Variants in CLSTN2 observed in about 807,000 individuals in gnomAD.
CLSTN2 encodes the protein calsyntenin 2.
CLSTN2 carries 48 observed loss-of-function variants against 101.2 expected under a neutral mutation model. That is an observed-to-expected ratio of 0.47 (90% CI 0.38 to 0.60). CLSTN2 has a LOEUF of 0.60. Among genes scored for constraint, CLSTN2 ranks in the 20% least tolerant of loss-of-function variants. CLSTN2 has a pLI of 0.00. For synonymous variants in CLSTN2, 481 were observed against 463.6 expected (o/e 1.04, Z -0.48); for missense variants, 1,160 against 1,238.2 (o/e 0.94, Z 0.95).
At chr3:139,960,025 T>TAGAA (rs1935479824) in intron 1 of CLSTN2, among the ~76,000 whole-genome samples, 1 of 152,204 alleles carries the variant, frequency 6.6e-6, no homozygotes, top group Non-Finnish European at 1.5e-5. Flanking sequence ...TGGACTCTTC[T>TAGAA]CTCTACTTTA....
chr3:139,995,760 G>C (rs1001727015), intron 1 of CLSTN2, among the ~76,000 whole-genome samples: 8 of 152,180 alleles, frequency 5.3e-5, no homozygotes, highest in African/African-American at 1.9e-4. Context: ...GGGGAGTGCA[G>C]AGCCACATGG....
intron 1 of CLSTN2, among the ~76,000 whole-genome samples, chr3:140,030,442 T>C (rs938666235): frequency 2.7e-5 from 4 of 150,158 alleles, no homozygotes; most frequent in Non-Finnish European, 5.9e-5. Flanking sequence ...AGAAGGAGAG[T>C]GGGTAGGGGT....
chr3:140,532,202 A>T, intron 8 of CLSTN2, 122 bp from the exon 9 acceptor site: 1 of 653,172 alleles, frequency 1.5e-6, no homozygotes, highest in Non-Finnish European at 2.5e-6. Context: ...ATATTCCTTG[A>T]GTGCTTTGCA....
intron 8 of CLSTN2, among the ~76,000 whole-genome samples, chr3:140,482,471 G>A (rs1366910947): frequency 6.6e-6 from 1 of 152,148 alleles, no homozygotes; most frequent in Admixed American, 6.6e-5. Flanking sequence ...AATGAGTTAG[G>A]GAGGATTCCC....
chr3:140,261,082 A>C (rs1187287221), intron 2 of CLSTN2, among the ~76,000 whole-genome samples: 4 of 152,118 alleles, frequency 2.6e-5, no homozygotes, highest in African/African-American at 4.8e-5. Flanking sequence ...CTCGCTATAA[A>C]GTTACTCATT....
intron 6 of CLSTN2, among the ~76,000 whole-genome samples, chr3:140,456,445 T>G (rs946518233): frequency 1.3e-4 from 20 of 152,252 alleles, no homozygotes; most frequent in African/African-American, 4.8e-4. Flanking sequence ...TGGCACCCAT[T>G]CTGTGCCCAG....
intron 8 of CLSTN2, among the ~76,000 whole-genome samples, chr3:140,471,378 G>C (rs1170822062): frequency 6.6e-6 from 1 of 152,206 alleles, no homozygotes; most frequent in African/African-American, 2.4e-5. Flanking sequence ...CTTATGGGAA[G>C]ACACAGCTTG....
chr3:140,572,666 G>C lies in CLSTN2; in HGVS notation c.*6413G>C, dbSNP rs978610923. On this transcript the variant is annotated 3_prime_UTR_variant, in exon 17 of 17. Transcript: ENST00000458420. The stretch of plus-strand genomic sequence containing the variant: ...GAACATGTGAGAAGTGCATATTCTT[G>C]GGCCCCACCCCAGACCTACTGAATG... 6.6e-6 allele frequency: 1 copy of C among 152,196 alleles called. No homozygotes were observed. Among genetic ancestry groups the C allele is most frequent in the African/African-American group, 2.4e-5 (1 of 41,440 alleles). 9.4% of individuals were successfully genotyped at this position (152,196 alleles called of 1,614,324 possible).
intron 7 of CLSTN2, among the ~76,000 whole-genome samples, chr3:140,465,049 C>T (rs1292963042): frequency 6.6e-6 from 1 of 152,196 alleles, no homozygotes; most frequent in Non-Finnish European, 1.5e-5. Flanking sequence ...CCACACATTT[C>T]CTCATTGTAT....
At chr3:140,421,031 C>T (rs868714374) in intron 4 of CLSTN2, 94 bp from the exon 5 acceptor site, 1 of 1,267,740 alleles carries the variant, frequency 7.9e-7, no homozygotes, top group Non-Finnish European at 1.1e-6. Flanking sequence ...TCACTTTCTT[C>T]CTGTGAAGGT....
chr3:139,950,390 C>T (rs1935276154), intron 1 of CLSTN2, among the ~76,000 whole-genome samples: 1 of 152,198 alleles, frequency 6.6e-6, no homozygotes, highest in Non-Finnish European at 1.5e-5. Context: ...AATTCCCTTT[C>T]TTCTAGGGGT....
intron 1 of CLSTN2, among the ~76,000 whole-genome samples, chr3:140,069,823 A>T (rs995138285): frequency 6.6e-6 from 1 of 152,154 alleles, no homozygotes; most frequent in Non-Finnish European, 1.5e-5. Context: ...CACTGGCAGG[A>T]GATTAGGATG....
At chr3:140,502,991 A>G (rs1934612000) in intron 8 of CLSTN2, among the ~76,000 whole-genome samples, 1 of 152,230 alleles carries the variant, frequency 6.6e-6, no homozygotes, top group African/African-American at 2.4e-5. Flanking sequence ...TGGAGGCCCT[A>G]GAAGAGCTTC....
chr3:140,340,730 T>A (rs1348336804), intron 2 of CLSTN2, among the ~76,000 whole-genome samples: 1 of 152,194 alleles, frequency 6.6e-6, no homozygotes, highest in Admixed American at 6.5e-5. Flanking sequence ...ATTTCCTAAC[T>A]TTTTACCTAA....
chr3:140,249,544 G>A (rs1179019853), intron 2 of CLSTN2, among the ~76,000 whole-genome samples: 1 of 152,016 alleles, frequency 6.6e-6, no homozygotes, highest in Admixed American at 6.6e-5. Context: ...TTCCATATTG[G>A]GCACTTACAC....
intron 1 of CLSTN2, among the ~76,000 whole-genome samples, chr3:140,059,134 T>C (rs989116810): frequency 6.6e-6 from 1 of 152,202 alleles, no homozygotes. Context: ...TCTGGGGAAA[T>C]GTACCTAACC....
At chr3:140,200,350 C>T (rs954116814) in intron 2 of CLSTN2, among the ~76,000 whole-genome samples, 1 of 152,094 alleles carries the variant, frequency 6.6e-6, no homozygotes, top group Admixed American at 6.6e-5. Flanking sequence ...ATTTATGGAT[C>T]CCCTAAGTCA....
intron 1 of CLSTN2, among the ~76,000 whole-genome samples, chr3:139,950,040 T>C (rs1333039447): frequency 2.0e-5 from 3 of 152,246 alleles, no homozygotes; most frequent in African/African-American, 7.2e-5. Flanking sequence ...GTTCTGAGCC[T>C]ACAGCTAGGG....
At chr3:140,003,185 C>T (rs1254293204) in intron 1 of CLSTN2, among the ~76,000 whole-genome samples, 5 of 152,108 alleles carry the variant, frequency 3.3e-5, no homozygotes, top group Non-Finnish European at 5.9e-5. Context: ...TTGATTCTTC[C>T]AATCTACGAA....
Sources: gnomAD v4.1 joint callset for allele counts (sites outside exome capture counted in the v4.1 genomes callset) on GRCh38, gnomAD v4.1.1 for gene constraint, MANE v1.5 for transcripts, NCBI Gene and HGNC (gene_info 2026-07-23, HGNC 2026-07-21) for gene names.